The following DOCK3 variants were observed in gnomAD, a reference collection of about 807,000 sequenced individuals.
DOCK3 encodes the protein dedicator of cytokinesis protein 3.
In DOCK3, 60 loss-of-function variants were observed where a neutral mutation model predicts 265.6. The ratio of observed to expected loss-of-function variants is 0.23; its 90% CI spans 0.18 to 0.28. The LOEUF (loss-of-function observed/expected upper bound fraction) is 0.28. Among genes scored for constraint, DOCK3 ranks in the 10% least tolerant of loss-of-function variants. The probability of loss-of-function intolerance (pLI) is 1.00; values close to 1 mark genes in which losing one functional copy is unlikely to be tolerated. For missense variants in DOCK3, 1,981 were observed against 2,594.3 expected, an observed-to-expected ratio of 0.76 and a Z score of 5.14; for synonymous variants, 881 against 938.0, an observed-to-expected ratio of 0.94 and a Z score of 1.11.
At chr3:51,013,832 T>G (rs1297659667) in intron 5 of DOCK3, among the ~76,000 whole-genome samples, 1 of 152,172 alleles carries the variant, frequency 6.6e-6, no homozygotes, top group Non-Finnish European at 1.5e-5. Context: ...CTCCACCCAG[T>G]TTGAGCTTCC....
intron 49 of DOCK3, among the ~76,000 whole-genome samples, chr3:51,368,907 T>G (rs1233389560): frequency 1.3e-5 from 2 of 152,220 alleles, no homozygotes; most frequent in Non-Finnish European, 2.9e-5. Context: ...CAGCGTCCAC[T>G]GTTGATACCC....
intron 1 of DOCK3, among the ~76,000 whole-genome samples, chr3:50,701,127 G>GTTTT (rs372596576): frequency 1.6e-4 from 18 of 113,458 alleles, no homozygotes; most frequent in African/African-American, 3.9e-4. Context: ...TGTGGCCCTT[G>GTTTT]TTTTTTTTTT....
rs906984953 is a variant in DOCK3, at chr3:51,014,351, A to G, written c.316-50097A>G. 1.3e-5 allele frequency among the ~76,000 whole-genome samples: 2 copies of G among 152,106 alleles called. 1 individual carries two copies. The highest frequency in any genetic ancestry group is 4.1e-4 in the South Asian group (2 of 4,832). ...GGACTTCTCTGTAAGCTTCCTATCT[A>G]GATTTTCTGTTCCATACTCATTCTC... On this transcript the variant is annotated intron_variant, in intron 5 of 52. Transcript: ENST00000266037.
intron 49 of DOCK3, among the ~76,000 whole-genome samples, chr3:51,363,784 G>A (rs577643268): frequency 9.2e-5 from 14 of 152,218 alleles, no homozygotes; most frequent in African/African-American, 3.4e-4. Context: ...ATGGATTCCA[G>A]CTTCATCCAT....
At chr3:50,818,256 G>A (rs1370627659) in intron 2 of DOCK3, among the ~76,000 whole-genome samples, 1 of 152,198 alleles carries the variant, frequency 6.6e-6, no homozygotes, top group African/African-American at 2.4e-5. Flanking sequence ...TTTGTTTTCA[G>A]CCCCATACCG....
At chr3:51,301,141 G>A (rs1005657871) in intron 27 of DOCK3, among the ~76,000 whole-genome samples, 7 of 152,136 alleles carry the variant, frequency 4.6e-5, no homozygotes, top group African/African-American at 1.7e-4. Flanking sequence ...GAGGCTGTAC[G>A]TGTCCAGGAA....
chr3:51,286,531 C>G (rs1280981657), intron 27 of DOCK3, among the ~76,000 whole-genome samples: 5 of 152,030 alleles, frequency 3.3e-5, no homozygotes, highest in African/African-American at 1.2e-4. Context: ...GCAAAAAGAA[C>G]AAAGCTGGAG....
chr3:50,898,045 A>C (rs2048980539), intron 4 of DOCK3, among the ~76,000 whole-genome samples: 1 of 118,870 alleles, frequency 8.4e-6, no homozygotes, highest in Non-Finnish European at 1.7e-5. Flanking sequence ...TAGTTTGTAG[A>C]AGGAATGGTA....
intron 1 of DOCK3, among the ~76,000 whole-genome samples, chr3:50,706,434 G>GTGAGGTTTT (rs1327991783): frequency 6.6e-6 from 1 of 152,182 alleles, no homozygotes; most frequent in Non-Finnish European, 1.5e-5. Context: ...CTCCAGGCCT[G>GTGAGGTTTT]TGAGGTTTTT....
intron 1 of DOCK3, among the ~76,000 whole-genome samples, chr3:50,694,567 G>A (rs1683160208): frequency 6.6e-6 from 1 of 152,252 alleles, no homozygotes; most frequent in Non-Finnish European, 1.5e-5. Context: ...CCAGCACTTT[G>A]GGAGGCCAAA....
intron 23 of DOCK3, among the ~76,000 whole-genome samples, chr3:51,266,675 C>T (rs908518286): frequency 6.6e-6 from 1 of 152,118 alleles, no homozygotes; most frequent in Non-Finnish European, 1.5e-5. Flanking sequence ...CAAAAATTAA[C>T]TCAAGATGTA....
chr3:51,306,449 T>G (rs1326850454), intron 27 of DOCK3, among the ~76,000 whole-genome samples: 3 of 152,168 alleles, frequency 2.0e-5, no homozygotes, highest in Admixed American at 6.5e-5. Context: ...TGTGTAAAGA[T>G]TTTTTCATCA....
chr3:51,067,815 CTATTTTGAAAGAAAAGATGG>C (rs2081660111), intron 6 of DOCK3, among the ~76,000 whole-genome samples: 1 of 152,084 alleles, frequency 6.6e-6, no homozygotes, highest in Non-Finnish European at 1.5e-5. Flanking sequence ...ACTTTTCTTC[CTATTTTGAAAGAAAAGATGG>C]TATATTGTAA....
chr3:51,286,484 A>C (rs895544896), intron 27 of DOCK3, among the ~76,000 whole-genome samples: 1 of 152,228 alleles, frequency 6.6e-6, no homozygotes, highest in Non-Finnish European at 1.5e-5. Flanking sequence ...ATTGATATGG[A>C]ATTAAAAAAA....
At chr3:51,242,096 T>TC (rs2078636521) in intron 21 of DOCK3, among the ~76,000 whole-genome samples, 1 of 152,212 alleles carries the variant, frequency 6.6e-6, no homozygotes, top group East Asian at 1.9e-4. Flanking sequence ...GTTTTTTTTT[T>TC]CCCTTTTATC....
intron 2 of DOCK3, among the ~76,000 whole-genome samples, chr3:50,826,698 A>G (rs1462316342): frequency 2.8e-4 from 43 of 152,212 alleles, no homozygotes; most frequent in Admixed American, 2.8e-3. Flanking sequence ...TGAAACAGGA[A>G]CTGGATACTG....
intron 4 of DOCK3, among the ~76,000 whole-genome samples, chr3:50,909,590 G>A (rs945511333): frequency 2.7e-5 from 4 of 149,992 alleles, no homozygotes; most frequent in African/African-American, 9.8e-5. Context: ...TGTTATTCTG[G>A]TGGGCTTTCC....
intron 4 of DOCK3, among the ~76,000 whole-genome samples, chr3:50,919,649 G>T (rs1311705639): frequency 1.3e-5 from 2 of 151,984 alleles, no homozygotes; most frequent in African/African-American, 4.8e-5. Context: ...GGGGATTTTG[G>T]GCTGAGATGA....
chr3:51,078,165 T>G (rs2082115463), intron 7 of DOCK3, among the ~76,000 whole-genome samples: 1 of 152,272 alleles, frequency 6.6e-6, no homozygotes, highest in South Asian at 2.1e-4. Context: ...AAATGGTGAT[T>G]GCTGTCTGCA....
Sources: gnomAD v4.1 joint callset for allele counts (sites outside exome capture counted in the v4.1 genomes callset) on GRCh38, gnomAD v4.1.1 for gene constraint, MANE v1.5 for transcripts, NCBI Gene and HGNC (gene_info 2026-07-23, HGNC 2026-07-21) for gene names.